MARCHF11: variants seen among roughly 807,000 people sequenced by gnomAD.
MARCHF11 encodes the protein membrane associated ring-CH-type finger 11.
A neutral mutation model predicts 37.3 loss-of-function variants in MARCHF11; 29 were observed. That is an observed-to-expected ratio of 0.78 (90% CI 0.58 to 1.06). The LOEUF is 1.06. Ranked by LOEUF, MARCHF11 falls within the 50% of genes least tolerant of loss-of-function variation. MARCHF11 has a pLI of 0.00. For synonymous variants in MARCHF11, 233 were observed against 228.0 expected, an observed-to-expected ratio of 1.02 and a Z score of -0.20; for missense variants, 482 against 533.4, an observed-to-expected ratio of 0.90 and a Z score of 0.95.
At chr5:16,071,963 T>G (rs1372577835) in intron 3 of MARCHF11, among the ~76,000 whole-genome samples, 1 of 152,156 alleles carries the variant, frequency 6.6e-6, no homozygotes, top group Non-Finnish European at 1.5e-5. Flanking sequence ...TTTTGTTTTT[T>G]TTGTTTGTTT....
At position 16,094,710 on chromosome 5, in the gene MARCHF11, T is replaced by G. The variant is rs1213758882; in HGVS notation, c.694-3629A>C. Among the ~76,000 whole-genome samples the G allele has an allele frequency of 2.6e-5, 4 of 152,204 alleles. No homozygotes were observed. The East Asian group carries it at 5.8e-4, about 22-fold the overall frequency. On this transcript the variant is annotated intron_variant, in intron 2 of 3. Transcript: ENST00000332432. The stretch of plus-strand genomic sequence containing the variant: ...GTTTACTTCTACAAAATAAACAATT[T>G]CATGTACTGTTTCCAGCAAAAGTGG...
chr5:16,103,252 G>A (rs946094388), intron 2 of MARCHF11, among the ~76,000 whole-genome samples: 5 of 152,212 alleles, frequency 3.3e-5, no homozygotes, highest in African/African-American at 9.6e-5. Context: ...CACTTGAGCT[G>A]AGTTTGACAG....
chr5:16,088,834 T>C (rs901475693), intron 3 of MARCHF11, among the ~76,000 whole-genome samples: 1 of 152,130 alleles, frequency 6.6e-6, no homozygotes, highest in Non-Finnish European at 1.5e-5. Context: ...CGTCAATATT[T>C]AAGACTCAGA....
At chr5:16,119,655 T>TAAAA (rs111317851) in intron 2 of MARCHF11, among the ~76,000 whole-genome samples, 10 of 151,302 alleles carry the variant, frequency 6.6e-5, no homozygotes, top group African/African-American at 2.4e-4. Flanking sequence ...TTAAGATGTT[T>TAAAA]AAAAAAAAAT....
intron 2 of MARCHF11, among the ~76,000 whole-genome samples, chr5:16,123,063 T>C (rs1278587241): frequency 1.3e-5 from 2 of 152,158 alleles, no homozygotes; most frequent in East Asian, 3.8e-4. Context: ...CAAAGTCAGC[T>C]CCTCCAGCGC....
rs578079522 is a variant in MARCHF11, at chr5:16,177,636, C to T, written c.693+90G>A. 1.5e-5 allele frequency: 16 copies of T among 1,078,078 alleles called. No individual in the cohort carries two copies. In the South Asian group the frequency reaches 4.4e-4, roughly 30 times the overall value. The allele number at this position is 1,078,078 out of a possible 1,614,324, so 66.8% of individuals were successfully genotyped here. A position where few individuals can be genotyped will look rare whatever the true frequency, so the allele number is the denominator to read the frequency against. On this transcript the variant is annotated intron_variant, in intron 2 of 3. Transcript: ENST00000332432. ...ATTTTCACAAAATGTTTTTAAGTAGCATAAGTAAATATCCTTAGTAATAAC... is the reference window on the plus strand; with the variant it reads ...ATTTTCACAAAATGTTTTTAAGTAGTATAAGTAAATATCCTTAGTAATAAC...
intron 2 of MARCHF11, among the ~76,000 whole-genome samples, chr5:16,163,058 A>T (rs974938269): frequency 6.6e-6 from 1 of 151,860 alleles, no homozygotes; most frequent in African/African-American, 2.4e-5. Flanking sequence ...TACTATCTCA[A>T]CTCTTCTAAA....
At chr5:16,122,144 T>A (rs866821238) in intron 2 of MARCHF11, among the ~76,000 whole-genome samples, 3 of 152,282 alleles carry the variant, frequency 2.0e-5, no homozygotes, top group South Asian at 2.1e-4. Context: ...TGACTTCACA[T>A]CAATCACCCA....
chr5:16,167,811 C>T (rs1291812551), intron 2 of MARCHF11, among the ~76,000 whole-genome samples: 1 of 152,062 alleles, frequency 6.6e-6, no homozygotes, highest in Non-Finnish European at 1.5e-5. Context: ...GTTTTACCAA[C>T]TCTGTAACTC....
chr5:16,105,331 T>C (rs1280449248), intron 2 of MARCHF11, among the ~76,000 whole-genome samples: 1 of 152,252 alleles, frequency 6.6e-6, no homozygotes, highest in Non-Finnish European at 1.5e-5. Context: ...CCTTCTCATA[T>C]TTTATCCTTT....
chr5:16,081,513 A>T (rs1736607263), intron 3 of MARCHF11, among the ~76,000 whole-genome samples: 1 of 152,222 alleles, frequency 6.6e-6, no homozygotes, highest in Non-Finnish European at 1.5e-5. Context: ...CTGTACAAAC[A>T]CAGGCGGTGG....
intron 2 of MARCHF11, among the ~76,000 whole-genome samples, chr5:16,143,590 AC>A (rs1176103619): frequency 6.6e-6 from 1 of 152,232 alleles, no homozygotes; most frequent in East Asian, 1.9e-4. Context: ...CTTGGAGGAG[AC>A]CTGTCCTAAG....
chr5:16,170,522 A>G (rs901797542), intron 2 of MARCHF11, among the ~76,000 whole-genome samples: 19 of 152,154 alleles, frequency 1.2e-4, no homozygotes, highest in African/African-American at 4.6e-4. Context: ...TTGAAAATTA[A>G]CAACTATTAG....
chr5:16,116,230 T>A (rs2126573861), intron 2 of MARCHF11, among the ~76,000 whole-genome samples: 1 of 152,330 alleles, frequency 6.6e-6, no homozygotes, highest in East Asian at 1.9e-4. Context: ...GCTTTCCGTC[T>A]GTCTGTCTAA....
chr5:16,143,563 T>A (rs1230684864), intron 2 of MARCHF11, among the ~76,000 whole-genome samples: 1 of 152,260 alleles, frequency 6.6e-6, no homozygotes, highest in Non-Finnish European at 1.5e-5. Context: ...TGATACACTG[T>A]TCAGCCGGAA....
chr5:16,159,336 A>G (rs1738034472), intron 2 of MARCHF11, among the ~76,000 whole-genome samples: 1 of 151,962 alleles, frequency 6.6e-6, no homozygotes, highest in East Asian at 1.9e-4. Context: ...TCCCTGATAG[A>G]GCATAGCATT....
intron 3 of MARCHF11, among the ~76,000 whole-genome samples, chr5:16,080,691 C>A (rs1221619330): frequency 2.6e-5 from 4 of 152,186 alleles, no homozygotes; most frequent in African/African-American, 9.7e-5. Flanking sequence ...TTCCATCCTG[C>A]CTCCATCCAG....
chr5:16,110,124 C>T (rs1737112174), intron 2 of MARCHF11, among the ~76,000 whole-genome samples: 1 of 152,004 alleles, frequency 6.6e-6, no homozygotes. Flanking sequence ...TTGTCCAGGC[C>T]CATTAGTGTA....
chr5:16,151,822 A>G (rs1737895705), intron 2 of MARCHF11, among the ~76,000 whole-genome samples: 1 of 151,956 alleles, frequency 6.6e-6, no homozygotes, highest in Admixed American at 6.6e-5. Flanking sequence ...CCAAGCTCCC[A>G]TTAAGCAAAG....
Sources: allele counts gnomAD v4.1 joint callset (sites outside exome capture counted in the v4.1 genomes callset), GRCh38; gene constraint gnomAD v4.1.1; transcripts MANE v1.5; gene names NCBI Gene and HGNC (gene_info 2026-07-23, HGNC 2026-07-21).